NRG3: variants seen among roughly 807,000 people sequenced by gnomAD.
The protein encoded by NRG3 is pro-neuregulin-3, membrane-bound isoform.
NRG3 carries 31 observed loss-of-function variants against 66.9 expected under a neutral mutation model. The observed-to-expected ratio is 0.46, with a 90% confidence interval of 0.35 to 0.63. The LOEUF (loss-of-function observed/expected upper bound fraction) is 0.63, where lower values mean the gene tolerates loss of function less well. Ranked by LOEUF, NRG3 falls within the 20% of genes least tolerant of loss-of-function variation. NRG3 has a pLI of 0.00. For missense variants in NRG3, 910 were observed against 878.9 expected (o/e 1.04, Z -0.45); for synonymous variants, 393 against 359.4 (o/e 1.09, Z -1.06).
chr10:82,410,165 A>G (rs1238332410), intron 2 of NRG3, among the ~76,000 whole-genome samples: 2 of 152,078 alleles, frequency 1.3e-5, no homozygotes, highest in Non-Finnish European at 1.5e-5. Flanking sequence ...AAAGATGATG[A>G]CTGCTACAGA....
At chr10:82,647,408 T>C (rs2051031434) in intron 2 of NRG3, among the ~76,000 whole-genome samples, 1 of 152,350 alleles carries the variant, frequency 6.6e-6, no homozygotes, top group African/African-American at 2.4e-5. Context: ...CTATCATTGT[T>C]GGACATTTGG....
chr10:82,738,777 C>G (rs2058277526), intron 3 of NRG3, 127 bp downstream of exon 3: 2 of 786,514 alleles, frequency 2.5e-6, no homozygotes, highest in African/African-American at 1.7e-5. Flanking sequence ...AGGACAGAAG[C>G]TGATGGCAGA....
At chr10:81,915,474 A>G (rs1045687449) in intron 1 of NRG3, among the ~76,000 whole-genome samples, 1 of 140,884 alleles carries the variant, frequency 7.1e-6, no homozygotes, top group Non-Finnish European at 1.5e-5. Flanking sequence ...TGAAATTGTT[A>G]AAGTCAGCTC....
intron 1 of NRG3, among the ~76,000 whole-genome samples, chr10:82,042,310 A>AT (rs1380639309): frequency 6.6e-6 from 1 of 151,994 alleles, no homozygotes; most frequent in Non-Finnish European, 1.5e-5. Context: ...AAAATGTAGG[A>AT]TTAGGAAGTA....
intron 2 of NRG3, among the ~76,000 whole-genome samples, chr10:82,597,160 C>A (rs956201074): frequency 5.9e-5 from 9 of 152,106 alleles, no homozygotes; most frequent in Admixed American, 4.6e-4. Context: ...CCGTAAAGAA[C>A]CAGCTGGAAA....
intron 2 of NRG3, among the ~76,000 whole-genome samples, chr10:82,669,562 TAAAG>T (rs939240843): frequency 6.6e-5 from 10 of 152,236 alleles, no homozygotes; most frequent in Non-Finnish European, 1.0e-4. Flanking sequence ...TTCCAAAACA[TAAAG>T]AAACTTTGCC....
intron 4 of NRG3, among the ~76,000 whole-genome samples, chr10:82,942,022 T>TGTGTGTGTGTGC (rs1262777882): frequency 6.6e-6 from 1 of 151,938 alleles, no homozygotes; most frequent in Admixed American, 6.6e-5. Flanking sequence ...TGTGTGTGTG[T>TGTGTGTGTGTGC]GTGCTTCAAC....
At chr10:81,994,384 T>C (rs2060852977) in intron 1 of NRG3, among the ~76,000 whole-genome samples, 2 of 152,130 alleles carry the variant, frequency 1.3e-5, no homozygotes, top group South Asian at 2.1e-4. Context: ...AAATAAGATA[T>C]TGTGTTAAGC....
intron 2 of NRG3, among the ~76,000 whole-genome samples, chr10:82,572,970 C>T (rs2045828650): frequency 6.6e-6 from 1 of 151,616 alleles, no homozygotes; most frequent in African/African-American, 2.4e-5. Flanking sequence ...GGGCTGGAGG[C>T]AGGAAATGAG....
At chr10:82,626,544 A>C (rs1236832864) in intron 2 of NRG3, among the ~76,000 whole-genome samples, 1 of 152,188 alleles carries the variant, frequency 6.6e-6, no homozygotes, top group Non-Finnish European at 1.5e-5. Context: ...GGTGTTACCT[A>C]AAGGATTTCT....
At chr10:82,643,886 GCACACACACACACACACC>G (rs2050750674) in intron 2 of NRG3, among the ~76,000 whole-genome samples, 1 of 48,418 alleles carries the variant, frequency 2.1e-5, no homozygotes, top group Admixed American at 2.4e-4. Context: ...ACACACACGC[GCACACACACACACACACC>G]CACACACACA....
chr10:82,066,441 CTTACTG>C (rs1240276355), intron 1 of NRG3, among the ~76,000 whole-genome samples: 6 of 152,082 alleles, frequency 3.9e-5, no homozygotes, highest in Admixed American at 3.9e-4. Context: ...TAAGTTATTT[CTTACTG>C]TTACGTACTT....
intron 1 of NRG3, among the ~76,000 whole-genome samples, chr10:82,323,395 G>A (rs2081680133): frequency 6.6e-6 from 1 of 151,924 alleles, no homozygotes; most frequent in Non-Finnish European, 1.5e-5. Context: ...AAAATAAATT[G>A]AAATAATCGT....
chr10:81,895,289 C>T (rs752129437), intron 1 of NRG3, among the ~76,000 whole-genome samples: 4 of 152,148 alleles, frequency 2.6e-5, no homozygotes, highest in Non-Finnish European at 5.9e-5. Context: ...CTGCCTTAGT[C>T]TCTGCCTTTT....
intron 1 of NRG3, among the ~76,000 whole-genome samples, chr10:82,146,985 A>G (rs74144168): frequency 0.022 from 3,336 of 152,272 alleles, 122 homozygotes; most frequent in African/African-American, 0.076. Flanking sequence ...TGGGAGTTCT[A>G]GTACCTGGAT....
chr10:82,902,819 A>T (rs1219207145), intron 4 of NRG3, among the ~76,000 whole-genome samples: 6 of 152,068 alleles, frequency 3.9e-5, no homozygotes, highest in Admixed American at 3.3e-4. Flanking sequence ...GTATTGGAAA[A>T]TTTTTTGGAG....
chr10:82,133,086 TTTC>T (rs924908909), intron 1 of NRG3, among the ~76,000 whole-genome samples: 11 of 152,112 alleles, frequency 7.2e-5, no homozygotes, highest in South Asian at 4.2e-4. Flanking sequence ...TATTATTTCT[TTTC>T]TTCTACTAAT....
chr10:82,774,662 T>A (rs890586605), intron 3 of NRG3, among the ~76,000 whole-genome samples: 5 of 151,884 alleles, frequency 3.3e-5, no homozygotes, highest in African/African-American at 1.2e-4. Flanking sequence ...GTCTTCACTC[T>A]TTTTTTCTTA....
chr10:81,887,750 G>A (rs1488459441), intron 1 of NRG3, among the ~76,000 whole-genome samples: 1 of 152,068 alleles, frequency 6.6e-6, no homozygotes, highest in Non-Finnish European at 1.5e-5. Flanking sequence ...GTCCAAAAGA[G>A]CCAGAACAAA....
Sources: allele counts gnomAD v4.1 joint callset (sites outside exome capture counted in the v4.1 genomes callset), GRCh38; gene constraint gnomAD v4.1.1; transcripts MANE v1.5; gene names NCBI Gene and HGNC (gene_info 2026-07-23, HGNC 2026-07-21).